The following ATXN7 variants were observed in gnomAD, a reference collection of about 807,000 sequenced individuals.
The protein encoded by ATXN7 is ataxin-7.
In ATXN7, 12 loss-of-function variants were observed where a neutral mutation model predicts 70.5. The ratio of observed to expected loss-of-function variants is 0.17; its 90% CI spans 0.11 to 0.28. The LOEUF (loss-of-function observed/expected upper bound fraction) is 0.28, where lower values mean the gene tolerates loss of function less well. ATXN7 is among the 10% of genes least tolerant of loss of function. The pLI is 1.00. For missense variants in ATXN7, 1,256 were observed against 1,131.7 expected, an observed-to-expected ratio of 1.11 and a Z score of -1.58; for synonymous variants, 498 against 448.7, an observed-to-expected ratio of 1.11 and a Z score of -1.39.
At chr3:63,876,780 T>C (rs1347931389) in intron 1 of ATXN7, among the ~76,000 whole-genome samples, 3 of 152,230 alleles carry the variant, frequency 2.0e-5, no homozygotes, top group African/African-American at 7.2e-5. Context: ...AGCTGTAGAC[T>C]GGAAAGTTTT....
intron 11 of ATXN7, among the ~76,000 whole-genome samples, chr3:63,992,648 A>G (rs961850282): frequency 3.9e-5 from 6 of 152,302 alleles, no homozygotes; most frequent in African/African-American, 1.4e-4. Context: ...AACTTTTTAA[A>G]AAGTAAGATC....
intron 4 of ATXN7, among the ~76,000 whole-genome samples, chr3:63,923,795 A>T (rs1704594858): frequency 6.6e-6 from 1 of 152,186 alleles, no homozygotes; most frequent in Non-Finnish European, 1.5e-5. Context: ...ACCCTGTCAC[A>T]AAAAGTAAAA....
intron 5 of ATXN7, among the ~76,000 whole-genome samples, chr3:63,972,911 C>G (rs919928004): frequency 6.6e-6 from 1 of 152,178 alleles, no homozygotes; most frequent in African/African-American, 2.4e-5. Flanking sequence ...GAGTACTTTT[C>G]TGTCTAAATA....
intron 5 of ATXN7, among the ~76,000 whole-genome samples, chr3:63,965,523 T>A (rs920719110): frequency 2.0e-5 from 3 of 152,202 alleles, no homozygotes; most frequent in Non-Finnish European, 4.4e-5. Context: ...CTGATACATA[T>A]AATTTTCGGT....
intron 1 of ATXN7, among the ~76,000 whole-genome samples, chr3:63,895,370 C>T (rs1038560477): frequency 6.6e-6 from 1 of 152,154 alleles, no homozygotes; most frequent in Admixed American, 6.5e-5. Flanking sequence ...GCATTGTAGG[C>T]TTTTCTCTGT....
intron 4 of ATXN7, among the ~76,000 whole-genome samples, chr3:63,935,869 T>C (rs2074653585): frequency 6.6e-6 from 1 of 152,162 alleles, no homozygotes; most frequent in Admixed American, 6.5e-5. Context: ...CACAAACTAA[T>C]GTCCAGATGC....
At chr3:63,940,873 C>T (rs1209082629) in intron 4 of ATXN7, among the ~76,000 whole-genome samples, 11 of 152,142 alleles carry the variant, frequency 7.2e-5, no homozygotes, top group African/African-American at 2.7e-4. Flanking sequence ...TTGGTAGGCA[C>T]TTCCAGATTT....
intron 2 of ATXN7, among the ~76,000 whole-genome samples, chr3:63,899,165 T>C (rs988097036): frequency 5.9e-5 from 9 of 151,566 alleles, no homozygotes; most frequent in East Asian, 5.9e-4. Flanking sequence ...TAGGTTCAAG[T>C]GATTTTTGTG....
intron 4 of ATXN7, among the ~76,000 whole-genome samples, chr3:63,921,118 G>A (rs980808904): frequency 6.6e-6 from 1 of 152,156 alleles, no homozygotes; most frequent in East Asian, 1.9e-4. Flanking sequence ...CACTCATAAC[G>A]TAAAACTAGA....
chr3:63,912,560 T>C (rs769636037), intron 2 of ATXN7, 28 bp from the exon 3 acceptor site: 21 of 1,111,976 alleles, frequency 1.9e-5, no homozygotes, highest in Non-Finnish European at 2.2e-5. Context: ...CGCGCGACTC[T>C]TTCCCCCTTT....
chr3:63,917,037 A>T (rs1704300161), intron 4 of ATXN7, among the ~76,000 whole-genome samples: 1 of 152,076 alleles, frequency 6.6e-6, no homozygotes, highest in African/African-American at 2.4e-5. Flanking sequence ...CTCCTACCTC[A>T]GCCTCCCAAG....
chr3:63,863,667 C>A, upstream of ATXN7: 1 of 1,228,704 alleles, frequency 8.1e-7, no homozygotes, highest in Non-Finnish European at 1.0e-6. Flanking sequence ...GCGAAGAGGC[C>A]GGGGAGGCCG....
intron 4 of ATXN7, among the ~76,000 whole-genome samples, chr3:63,943,559 A>G (rs2107368573): frequency 6.6e-6 from 1 of 152,276 alleles, no homozygotes; most frequent in East Asian, 1.9e-4. Flanking sequence ...ATTTACATAT[A>G]TTCGTGTAGT....
chr3:63,996,567 G>T, intron 12 of ATXN7, 84 bp downstream of exon 12: 1 of 1,452,632 alleles, frequency 6.9e-7, no homozygotes, highest in Non-Finnish European at 9.2e-7. Flanking sequence ...GTGTTTGGTT[G>T]GGTTGGTTGG....
At chr3:63,898,922 C>A (rs1703526495) in intron 2 of ATXN7, among the ~76,000 whole-genome samples, 1 of 152,176 alleles carries the variant, frequency 6.6e-6, no homozygotes, top group Non-Finnish European at 1.5e-5. Context: ...GGAAGATCAT[C>A]AGCAAGACTG....
chr3:63,923,613 CT>C (rs1371104829), intron 4 of ATXN7, among the ~76,000 whole-genome samples: 1 of 151,998 alleles, frequency 6.6e-6, no homozygotes, highest in Non-Finnish European at 1.5e-5. Flanking sequence ...TTGAGACCAG[CT>C]TGGCAACATA....
At chr3:63,932,595 A>G (rs1575915174) in intron 4 of ATXN7, among the ~76,000 whole-genome samples, 1 of 152,142 alleles carries the variant, frequency 6.6e-6, no homozygotes, top group Admixed American at 6.5e-5. Flanking sequence ...TGGCTGGTGG[A>G]CAGTGTTGTA....
chr3:63,874,938 G>A (rs768557549), intron 1 of ATXN7, among the ~76,000 whole-genome samples: 2 of 152,018 alleles, frequency 1.3e-5, no homozygotes, highest in Non-Finnish European at 2.9e-5. Flanking sequence ...TGTCTGATGA[G>A]GGCTTGTTTC....
intron 4 of ATXN7, among the ~76,000 whole-genome samples, chr3:63,935,220 C>G (rs533230515): frequency 3.9e-5 from 6 of 152,258 alleles, no homozygotes; most frequent in South Asian, 2.1e-4. Context: ...AGATCACTTA[C>G]GGCGATTCCT....
Sources: allele counts gnomAD v4.1 joint callset (sites outside exome capture counted in the v4.1 genomes callset), GRCh38; gene constraint gnomAD v4.1.1; transcripts MANE v1.5; gene names NCBI Gene and HGNC (gene_info 2026-07-23, HGNC 2026-07-21).